Variants in COG5 observed in about 807,000 individuals in gnomAD.
COG5 encodes the protein component of oligomeric golgi complex 5.
Under a neutral mutation model 110.4 loss-of-function variants are expected in COG5, and 86 were observed. The observed-to-expected ratio is 0.78, with a 90% CI of 0.65 to 0.93. The LOEUF is 0.93. Ranked by LOEUF, COG5 falls within the 40% of genes least tolerant of loss-of-function variation. The probability of loss-of-function intolerance (pLI) is 0.00; values close to 1 mark genes in which losing one functional copy is unlikely to be tolerated. For synonymous variants in COG5, 360 were observed against 334.6 expected (o/e 1.08, Z -0.83); for missense variants, 1,077 against 987.0 (o/e 1.09, Z -1.22).
chr7:107,510,042 C>T (rs961175488), intron 6 of COG5, among the ~76,000 whole-genome samples: 1 of 152,154 alleles, frequency 6.6e-6, no homozygotes, highest in Non-Finnish European at 1.5e-5. Context: ...CAAATACACA[C>T]ATAACAATAT....
At chr7:107,233,711 A>G (rs1050299448) in intron 18 of COG5, among the ~76,000 whole-genome samples, 2 of 152,176 alleles carry the variant, frequency 1.3e-5, no homozygotes, top group Non-Finnish European at 2.9e-5. Flanking sequence ...AGTGACCTCA[A>G]TGGCTTTAAT....
rs973970529 is a variant in COG5, at chr7:107,312,129, T to C, written c.1108+12311A>G. Among the ~76,000 whole-genome samples the C allele has an allele frequency of 5.9e-5, 9 of 152,216 alleles. No individual in the cohort carries two copies. In the South Asian group the frequency reaches 6.2e-4, roughly 11 times the overall value. ...CCCTGTTTATCATGTATAGATATTG[T>C]TGTTTGTTTTATAAAAGTATTTCAT... On this transcript the variant is annotated intron_variant, in intron 11 of 21. Coordinates refer to ENST00000297135, the MANE Select transcript of COG5 (RefSeq NM_006348.5).
At chr7:107,514,044 A>G (rs2129146390) in intron 6 of COG5, among the ~76,000 whole-genome samples, 1 of 149,580 alleles carries the variant, frequency 6.7e-6, no homozygotes, top group East Asian at 2.0e-4. Flanking sequence ...AACTTAAAGT[A>G]TAATAATAAT....
intron 6 of COG5, among the ~76,000 whole-genome samples, chr7:107,420,888 G>C (rs894874364): frequency 3.3e-5 from 5 of 152,164 alleles, no homozygotes; most frequent in African/African-American, 1.2e-4. Flanking sequence ...CACTTCTCAG[G>C]ACATGTTCAT....
At chr7:107,476,625 C>T (rs190483644) in intron 6 of COG5, among the ~76,000 whole-genome samples, 337 of 151,622 alleles carry the variant, frequency 2.2e-3, no homozygotes, top group Non-Finnish European at 3.6e-3. Context: ...AAATATTTTC[C>T]AATTGTTATA....
chr7:107,332,088 A>T (rs1317777464), intron 10 of COG5, among the ~76,000 whole-genome samples: 1 of 152,100 alleles, frequency 6.6e-6, no homozygotes, highest in Non-Finnish European at 1.5e-5. Context: ...ACCTCATGTG[A>T]TCGCCCGCCT....
At chr7:107,546,435 GTTTTTT>G (rs754919944) in intron 5 of COG5, among the ~76,000 whole-genome samples, 2 of 119,484 alleles carry the variant, frequency 1.7e-5, no homozygotes, top group Non-Finnish European at 3.4e-5. Context: ...TTGGTTTTTT[GTTTTTT>G]TTTTTTTTTT....
Position 107,406,427 on chromosome 7 carries a change from C to G in COG5, c.669+6075G>C, listed in dbSNP as rs370090113. 9.2e-5 allele frequency among the ~76,000 whole-genome samples: 14 copies of G among 152,104 alleles called. No individual in the cohort carries two copies. The East Asian group carries it at 1.5e-3, about 17-fold the overall frequency. The stretch of plus-strand genomic sequence containing the variant: ...TTTGAATAAATTTATATAGTCTAAA[C>G]AGATAACAAAACTATCAATATTTAA... On this transcript the variant is annotated intron_variant, in intron 7 of 21. Coordinates refer to ENST00000297135, the MANE Select transcript of COG5 (RefSeq NM_006348.5).
chr7:107,395,496 G>A (rs185684312), intron 7 of COG5, among the ~76,000 whole-genome samples: 107 of 143,384 alleles, frequency 7.5e-4, no homozygotes, highest in African/African-American at 2.6e-3. Context: ...TTTTTAAATA[G>A]TGTGTAAAGG....
chr7:107,441,178 C>A (rs1042645286), intron 6 of COG5, among the ~76,000 whole-genome samples: 2 of 149,472 alleles, frequency 1.3e-5, no homozygotes, highest in African/African-American at 5.0e-5. Flanking sequence ...TGGCTTGAAC[C>A]CAGGGGGGCA....
intron 6 of COG5, among the ~76,000 whole-genome samples, chr7:107,438,267 T>C (rs1266402767): frequency 6.6e-6 from 1 of 152,178 alleles, no homozygotes; most frequent in Non-Finnish European, 1.5e-5. Flanking sequence ...AAATTCTCCT[T>C]TACTGGAGAC....
intron 5 of COG5, among the ~76,000 whole-genome samples, chr7:107,542,117 A>G (rs182040168): frequency 5.8e-4 from 89 of 152,240 alleles, no homozygotes; most frequent in African/African-American, 2.0e-3. Flanking sequence ...CAGGGTAGAG[A>G]AAGTTATCTT....
intron 6 of COG5, among the ~76,000 whole-genome samples, chr7:107,508,080 C>T (rs11975374): frequency 1.1e-4 from 16 of 152,380 alleles, no homozygotes; most frequent in African/African-American, 2.9e-4. Context: ...CAGGGCGAGG[C>T]ATTGCCTCAC....
chr7:107,203,764 A>T, intron 21 of COG5, 134 bp from the exon 22 acceptor site: 1 of 671,310 alleles, frequency 1.5e-6, no homozygotes, highest in Non-Finnish European at 2.7e-6. Context: ...AAGCCAAGTG[A>T]CCAACAGCCT....
chr7:107,349,512 T>C (rs1397935966), intron 10 of COG5, among the ~76,000 whole-genome samples: 2 of 151,074 alleles, frequency 1.3e-5, no homozygotes, highest in East Asian at 3.9e-4. Flanking sequence ...GATTCTCTCC[T>C]GCCTCGGCCT....
intron 6 of COG5, among the ~76,000 whole-genome samples, chr7:107,512,084 T>C (rs1028167312): frequency 2.8e-4 from 43 of 152,110 alleles, no homozygotes; most frequent in African/African-American, 7.7e-4. Flanking sequence ...GGTATTCAAT[T>C]AGGAAAATAG....
chr7:107,544,141 AC>A (rs1181839441), intron 5 of COG5, among the ~76,000 whole-genome samples: 2 of 151,852 alleles, frequency 1.3e-5, no homozygotes, highest in African/African-American at 2.4e-5. Context: ...CTCCAGGACC[AC>A]CCTTGCAAAC....
At chr7:107,349,821 G>C (rs1419162697) in intron 10 of COG5, among the ~76,000 whole-genome samples, 1 of 152,188 alleles carries the variant, frequency 6.6e-6, no homozygotes, top group Non-Finnish European at 1.5e-5. Context: ...GCCTCCCAAA[G>C]TGCTGGGATT....
At chr7:107,400,886 A>G (rs1409683527) in intron 7 of COG5, among the ~76,000 whole-genome samples, 5 of 152,210 alleles carry the variant, frequency 3.3e-5, no homozygotes, top group Non-Finnish European at 5.9e-5. Flanking sequence ...AAACAAAAGC[A>G]TACAGAAATG....
Sources: gnomAD v4.1 joint callset for allele counts (sites outside exome capture counted in the v4.1 genomes callset) on GRCh38, gnomAD v4.1.1 for gene constraint, MANE v1.5 for transcripts, NCBI Gene and HGNC (gene_info 2026-07-23, HGNC 2026-07-21) for gene names.